Variants in SDC2 observed in about 807,000 individuals in gnomAD.
SDC2 encodes the protein syndecan 2.
Under a neutral mutation model 22.2 loss-of-function variants are expected in SDC2, and 13 were observed. The observed-to-expected ratio is 0.59, with a 90% CI of 0.38 to 0.93. The LOEUF is 0.93. Ranked by LOEUF, SDC2 falls within the 40% of genes least tolerant of loss-of-function variation. The pLI, the probability that SDC2 is intolerant of heterozygous loss-of-function variation, is 0.00. For synonymous variants in SDC2, 94 were observed against 92.8 expected (o/e 1.01, Z -0.07); for missense variants, 235 against 246.8 (o/e 0.95, Z 0.32).
intron 3 of SDC2, 49 bp from the exon 4 acceptor site, chr8:96,608,286 C>T: frequency 6.4e-7 from 1 of 1,570,414 alleles, no homozygotes. Flanking sequence ...TTCTTCTTTC[C>T]AACACATTTC....
chr8:96,574,304 C>T (rs576711010), intron 1 of SDC2, among the ~76,000 whole-genome samples: 6 of 152,168 alleles, frequency 3.9e-5, no homozygotes, highest in African/African-American at 1.4e-4. Context: ...GGAGTGTGCA[C>T]CTGGGATCTG....
chr8:96,543,338 G>A (rs564278856), intron 1 of SDC2, among the ~76,000 whole-genome samples: 1 of 152,064 alleles, frequency 6.6e-6, no homozygotes, highest in African/African-American at 2.4e-5. Flanking sequence ...GTTTTTATTT[G>A]CATATGTATT....
intron 1 of SDC2, among the ~76,000 whole-genome samples, chr8:96,502,848 T>C (rs1813186659): frequency 1.3e-5 from 2 of 152,230 alleles, no homozygotes; most frequent in South Asian, 4.1e-4. Flanking sequence ...GGAATGTCCA[T>C]GCGTTGTGTC....
intron 3 of SDC2, among the ~76,000 whole-genome samples, chr8:96,603,668 C>T (rs2582807): frequency 3.3e-5 from 5 of 152,134 alleles, no homozygotes; most frequent in African/African-American, 1.2e-4. Flanking sequence ...TACCTTTGTT[C>T]TTCCTCCTCC....
intron 2 of SDC2, among the ~76,000 whole-genome samples, chr8:96,599,721 A>G (rs748370312): frequency 1.1e-3 from 166 of 152,334 alleles, no homozygotes; most frequent in South Asian, 4.3e-3. Flanking sequence ...CAGAACCAGT[A>G]CTAGGTTTGT....
At chr8:96,607,601 C>T (rs967575763) in intron 3 of SDC2, among the ~76,000 whole-genome samples, 1 of 152,140 alleles carries the variant, frequency 6.6e-6, no homozygotes, top group Non-Finnish European at 1.5e-5. Flanking sequence ...AGGCTGCTGG[C>T]TTGTTGGGAA....
At chr8:96,548,326 T>C (rs1209384403) in intron 1 of SDC2, among the ~76,000 whole-genome samples, 1 of 152,132 alleles carries the variant, frequency 6.6e-6, no homozygotes, top group African/African-American at 2.4e-5. Context: ...AACCCAAAAA[T>C]CTGAAATGCT....
chr8:96,548,930 G>A (rs1813979962), intron 1 of SDC2, among the ~76,000 whole-genome samples: 1 of 152,198 alleles, frequency 6.6e-6, no homozygotes, highest in Non-Finnish European at 1.5e-5. Flanking sequence ...ACTTCCTAGA[G>A]CATTCTAGAA....
At chr8:96,506,868 G>C (rs1813248188) in intron 1 of SDC2, among the ~76,000 whole-genome samples, 1 of 152,074 alleles carries the variant, frequency 6.6e-6, no homozygotes, top group African/African-American at 2.4e-5. Context: ...AATTAGCTGG[G>C]TGTGGTGGCG....
At chr8:96,516,302 AG>A (rs1813400532) in intron 1 of SDC2, among the ~76,000 whole-genome samples, 1 of 152,208 alleles carries the variant, frequency 6.6e-6, no homozygotes, top group South Asian at 2.1e-4. Flanking sequence ...AAACATAGCA[AG>A]CGTTATCTAG....
At chr8:96,540,518 A>G (rs1813831013) in intron 1 of SDC2, among the ~76,000 whole-genome samples, 1 of 150,160 alleles carries the variant, frequency 6.7e-6, no homozygotes, top group Admixed American at 6.6e-5. Flanking sequence ...CCAAAAAAAA[A>G]AAAAATCTGT....
intron 1 of SDC2, among the ~76,000 whole-genome samples, chr8:96,521,861 G>T (rs1328640329): frequency 6.6e-6 from 1 of 152,140 alleles, no homozygotes; most frequent in African/African-American, 2.4e-5. Flanking sequence ...GTTTGATATG[G>T]GGGTACTTAT....
chr8:96,598,236 T>C (rs1011156374), intron 2 of SDC2, among the ~76,000 whole-genome samples: 46 of 152,038 alleles, frequency 3.0e-4, no homozygotes, highest in African/African-American at 1.1e-3. Flanking sequence ...AAGTCCCTCT[T>C]CTTAATACTA....
intron 1 of SDC2, among the ~76,000 whole-genome samples, chr8:96,539,568 A>G (rs907710674): frequency 3.9e-5 from 6 of 152,374 alleles, no homozygotes; most frequent in African/African-American, 1.4e-4. Context: ...TAAGTATAGT[A>G]CATATTTGCT....
At chr8:96,572,117 G>T (rs1586306785) in intron 1 of SDC2, among the ~76,000 whole-genome samples, 1 of 152,116 alleles carries the variant, frequency 6.6e-6, no homozygotes, top group South Asian at 2.1e-4. Context: ...CACCTTGGTG[G>T]CCTCATTGTG....
Position 96,504,969 on chromosome 8 carries a change from G to A in SDC2, c.60+10638G>A, listed in dbSNP as rs191334081. Among the ~76,000 whole-genome samples, 1,038 of 152,080 alleles carry A rather than the reference G, an allele frequency of 6.8e-3. 5 individuals carry two copies. Among genetic ancestry groups the A allele is most frequent in the Non-Finnish European group, 0.012 (803 of 68,004 alleles). On this transcript the variant is annotated intron_variant, in intron 1 of 4. Coordinates refer to ENST00000302190, the MANE Select transcript of SDC2 (RefSeq NM_002998.4). Reference sequence around the variant, plus strand: ...GGCTGTTCTCTGGCAGACAGGTGTGGGGGTCACAAGGTGCTCAGTAGGGGA... The same window carrying A: ...GGCTGTTCTCTGGCAGACAGGTGTGAGGGTCACAAGGTGCTCAGTAGGGGA...
chr8:96,525,996 A>G (rs895532201), intron 1 of SDC2, among the ~76,000 whole-genome samples: 1 of 152,188 alleles, frequency 6.6e-6, no homozygotes, highest in African/African-American at 2.4e-5. Flanking sequence ...AGTCAGTCCC[A>G]GAGACCTTGA....
chr8:96,582,797 G>A (rs534802428), intron 1 of SDC2, among the ~76,000 whole-genome samples: 29 of 152,262 alleles, frequency 1.9e-4, no homozygotes, highest in African/African-American at 6.5e-4. Flanking sequence ...CCCTCCTCTG[G>A]TTGGGGCTAA....
rs900059274 is a variant in SDC2 at position 96,598,532 on chromosome 8, C to A, written c.173-3863C>A. ...ACTTGGGAGGCTGAGTCAGGAGAAT[C>A]GCTTGAACTCGGGAGGCGGAGGTTG... On this transcript the variant is annotated intron_variant, in intron 2 of 4. Transcript: ENST00000302190. Among the ~76,000 whole-genome samples, 5 of 152,030 alleles carry A rather than the reference C, an allele frequency of 3.3e-5. No individual in the cohort carries two copies. In the East Asian group the frequency reaches 7.7e-4, roughly 23 times the overall value.
Sources: allele counts gnomAD v4.1 joint callset (sites outside exome capture counted in the v4.1 genomes callset), GRCh38; gene constraint gnomAD v4.1.1; transcripts MANE v1.5; gene names NCBI Gene and HGNC (gene_info 2026-07-23, HGNC 2026-07-21).